NLRC5: variants seen among roughly 807,000 people sequenced by gnomAD.
NLRC5 encodes the protein NLR family CARD domain containing 5, also known as protein NLRC5.
A neutral mutation model predicts 206.9 loss-of-function variants in NLRC5; 114 were observed. The observed-to-expected ratio is 0.55, with a 90% CI of 0.47 to 0.64. The LOEUF (loss-of-function observed/expected upper bound fraction) is 0.64. Among genes scored for constraint, NLRC5 ranks in the 30% least tolerant of loss-of-function variants. The pLI, the probability that NLRC5 is intolerant of heterozygous loss-of-function variation, is 0.00. For missense variants in NLRC5, 2,008 were observed against 2,305.5 expected (o/e 0.87, Z 2.64); for synonymous variants, 952 against 962.8 (o/e 0.99, Z 0.21).
intron 48 of NLRC5, 49 bp downstream of exon 48, chr16:57,081,659 A>G (rs2069163204): frequency 6.6e-7 from 1 of 1,509,808 alleles, no homozygotes; most frequent in African/African-American, 1.4e-5. Flanking sequence ...GGCTACACCA[A>G]CCCCCAGATC....
At chr16:57,079,940 C>T (rs1232222323) in intron 46 of NLRC5, among the ~76,000 whole-genome samples, 1 of 152,178 alleles carries the variant, frequency 6.6e-6, no homozygotes, top group Non-Finnish European at 1.5e-5. Context: ...TTTTGGGAGG[C>T]AACTGGATAG....
Position 57,067,852 on chromosome 16 carries a change from A to T in NLRC5, c.4499+24A>T, listed in dbSNP as rs1293317006. 5.7e-6 allele frequency: 9 copies of T among 1,584,286 alleles called. No homozygotes were observed. In the South Asian group the frequency reaches 9.9e-5, roughly 18 times the overall value. On this transcript the variant is annotated intron_variant, in intron 36 of 48. Transcript: ENST00000688547. ...CGGTATGTAGACAAGACATTCACTCAGTCCCCTTTGCAGCTCTGCCCTGCC... is the reference window on the plus strand; with the variant it reads ...CGGTATGTAGACAAGACATTCACTCTGTCCCCTTTGCAGCTCTGCCCTGCC...
At chr16:57,021,313 G>A (rs1190549341) in intron 3 of NLRC5, among the ~76,000 whole-genome samples, 1 of 151,524 alleles carries the variant, frequency 6.6e-6, no homozygotes, top group African/African-American at 2.4e-5. Flanking sequence ...TTTGGCGGGG[G>A]TGGGGGGGTG....
At chr16:57,059,682 C>T in intron 30 of NLRC5, 150 bp downstream of exon 30, 1 of 700,250 alleles carries the variant, frequency 1.4e-6, no homozygotes, top group Non-Finnish European at 2.2e-6. Flanking sequence ...TCCAGATCTG[C>T]CCCCGATGCC....
intron 16 of NLRC5, among the ~76,000 whole-genome samples, 183 bp from the exon 17 acceptor site, chr16:57,040,467 A>C (rs2063142942): frequency 6.6e-6 from 1 of 152,196 alleles, no homozygotes; most frequent in South Asian, 2.1e-4. Context: ...ACAGTCTCCC[A>C]TTGAGAGGCT....
intron 12 of NLRC5, 112 bp from the exon 13 acceptor site, chr16:57,034,056 G>T: frequency 2.5e-6 from 2 of 798,856 alleles, no homozygotes; most frequent in South Asian, 3.3e-5. Flanking sequence ...GGTGTGGCTA[G>T]GATTAGACCC....
chr16:57,055,123 G>A (rs575637002), intron 26 of NLRC5, 29 bp downstream of exon 26: 2 of 1,613,168 alleles, frequency 1.2e-6, no homozygotes, highest in East Asian at 4.5e-5. Flanking sequence ...TGCCTAGGCA[G>A]CTAGTTGATG....
Position 57,020,974 on chromosome 16 carries a change from GTGC to G in NLRC5, c.271_273del (p.Leu91del). 6.2e-7 allele frequency: 1 copy of G among 1,613,982 alleles called. No individual in the cohort carries two copies. The highest frequency in any genetic ancestry group is 1.1e-5 in the South Asian group (1 of 91,072). ...GCTGGAGGTGCCTCTGGACCTGGAG[GTGC>G]TGCTGCTGAGTACTTTTGGCTATGA... is the stretch of plus-strand genomic sequence containing the variant. On this transcript the variant is annotated inframe_deletion, in exon 3 of 49. Coordinates refer to ENST00000688547, the MANE Select transcript of NLRC5 (RefSeq NM_001384950.1).
chr16:57,075,313 G>A (rs1205620417), intron 39 of NLRC5, among the ~76,000 whole-genome samples: 8 of 151,598 alleles, frequency 5.3e-5, no homozygotes, highest in South Asian at 2.1e-4. Context: ...TCCGCCTCCC[G>A]GGTTCAAGCG....
intron 13 of NLRC5, among the ~76,000 whole-genome samples, chr16:57,035,407 A>G (rs2062426074): frequency 6.6e-6 from 1 of 151,928 alleles, no homozygotes; most frequent in African/African-American, 2.4e-5. Context: ...TAAAACCCAC[A>G]TTCTAAACTC....
chr16:56,996,724 A>G (rs536247420), intron 1 of NLRC5, among the ~76,000 whole-genome samples: 1 of 152,258 alleles, frequency 6.6e-6, no homozygotes, highest in Non-Finnish European at 1.5e-5. Flanking sequence ...GAACTTTCCA[A>G]ATGAGTACAG....
Position 57,047,602 on chromosome 16 carries a change from G to A in NLRC5, c.3396G>A (p.Lys1132=), listed in dbSNP as rs1186794447. The A allele has an allele frequency of 1.7e-5, 27 of 1,613,268 alleles. No individual in the cohort carries two copies. Among genetic ancestry groups the A allele is most frequent in the Non-Finnish European group, 2.2e-5 (26 of 1,179,698 alleles). Residue 1132 remains lysine, a synonymous_variant, in exon 23 of 49, where the codon AAG becomes AAA. Transcript: ENST00000688547. ...TCACCCGCCTCTGTGCCACTCTGAA[G>A]GACTGCCCGGGACCCCTGGAACTGC... The part of the protein sequence containing the change: ...PSLTRLCATL[K]DCPGPLELQL...
chr16:57,054,592 G>T (rs2144391245), intron 24 of NLRC5, among the ~76,000 whole-genome samples, 159 bp from the exon 25 acceptor site: 1 of 152,134 alleles, frequency 6.6e-6, no homozygotes, highest in Non-Finnish European at 1.5e-5. Flanking sequence ...ATCCAAATCT[G>T]CCTGTCCCTC....
At chr16:57,047,710 A>G (rs1365512238) in intron 23 of NLRC5, 82 bp downstream of exon 23, 5 of 1,168,788 alleles carry the variant, frequency 4.3e-6, no homozygotes, top group Non-Finnish European at 6.3e-6. Context: ...TGGTTAGAAG[A>G]CAGGTGAGTC....
chr16:57,027,277 T>C (rs291040), intron 6 of NLRC5, among the ~76,000 whole-genome samples: 43,578 of 152,168 alleles, frequency 0.29, 6,519 homozygotes, highest in Non-Finnish European at 0.33. Flanking sequence ...AGGCTGTCTA[T>C]AGAGGCTGGT....
intron 1 of NLRC5, among the ~76,000 whole-genome samples, chr16:56,993,593 G>C (rs1207736714): frequency 6.6e-6 from 1 of 152,128 alleles, no homozygotes; most frequent in Non-Finnish European, 1.5e-5. Context: ...CCAGCTGGAG[G>C]GGGAGGGGCC....
intron 1 of NLRC5, chr16:57,004,391 G>A (rs76994065): frequency 0.055 from 8,446 of 152,368 alleles, 393 homozygotes; most frequent in South Asian, 0.2. Context: ...GCCTCCAAAA[G>A]TGTTGGGATT....
chr16:57,076,966 G>A (rs1319611114), intron 40 of NLRC5, 64 bp downstream of exon 40: 1 of 1,395,068 alleles, frequency 7.2e-7, no homozygotes. Context: ...ACAAGGGCAA[G>A]GGGCTACCTG....
At chr16:57,044,583 C>T (rs2063706381) in intron 20 of NLRC5, among the ~76,000 whole-genome samples, 1 of 152,056 alleles carries the variant, frequency 6.6e-6, no homozygotes, top group Non-Finnish European at 1.5e-5. Context: ...CAGAGCCTCT[C>T]CAGGCCTCAG....
Sources: gnomAD v4.1 joint callset for allele counts (sites outside exome capture counted in the v4.1 genomes callset) on GRCh38, gnomAD v4.1.1 for gene constraint, MANE v1.5 for transcripts, NCBI Gene and HGNC (gene_info 2026-07-23, HGNC 2026-07-21) for gene names.